Variants in CACNA1S observed in about 807,000 individuals in gnomAD.
CACNA1S encodes the protein voltage-dependent L-type calcium channel subunit alpha-1S.
Under a neutral mutation model 207.4 loss-of-function variants are expected in CACNA1S, and 126 were observed. The ratio of observed to expected loss-of-function variants is 0.61; its 90% CI spans 0.53 to 0.70. The LOEUF is 0.70. Ranked by LOEUF, CACNA1S falls within the 30% of genes least tolerant of loss-of-function variation. The pLI is 0.00. For missense variants in CACNA1S, 2,349 were observed against 2,422.8 expected, an observed-to-expected ratio of 0.97 and a Z score of 0.64; for synonymous variants, 960 against 932.7, an observed-to-expected ratio of 1.03 and a Z score of -0.53.
chr1:201,098,035 C>T (rs939852848), intron 2 of CACNA1S, among the ~76,000 whole-genome samples: 16 of 152,192 alleles, frequency 1.1e-4, no homozygotes, highest in African/African-American at 3.6e-4. Flanking sequence ...TGTCTATCTT[C>T]TTAGCCTGAT....
At chr1:201,051,183 G>T (rs1415835746) in intron 32 of CACNA1S, 40 bp from the exon 33 acceptor site, 9 of 1,611,772 alleles carry the variant, frequency 5.6e-6, no homozygotes, top group Non-Finnish European at 7.6e-6. Flanking sequence ...ATCTGCTCCT[G>T]CCTGGCCCCT....
chr1:201,072,740 C>A lies in CACNA1S; in HGVS notation c.2227+15G>T. 1 of 1,608,514 alleles carries A rather than the reference C, an allele frequency of 6.2e-7. No homozygotes were observed. The highest frequency in any genetic ancestry group is 8.5e-7 in the Non-Finnish European group (1 of 1,174,968). Reference sequence around the variant, plus strand: ...CCCCAGCACCCTGCTCCAGTCCAGTCTCCAGCATCCTCACCTGGGAAGTCG... The same window carrying A: ...CCCCAGCACCCTGCTCCAGTCCAGTATCCAGCATCCTCACCTGGGAAGTCG... On this transcript the variant is annotated intron_variant, in intron 16 of 43. Coordinates refer to ENST00000362061, the MANE Select transcript of CACNA1S (RefSeq NM_000069.3).
intron 2 of CACNA1S, among the ~76,000 whole-genome samples, chr1:201,106,475 C>T (rs1233435798): frequency 6.6e-6 from 1 of 152,168 alleles, no homozygotes; most frequent in Non-Finnish European, 1.5e-5. Flanking sequence ...TTCTACAATG[C>T]GCTCCTTCAC....
At chr1:201,044,556 G>A (rs1396335513) in intron 38 of CACNA1S, 100 bp from the exon 39 acceptor site, 7 of 1,424,742 alleles carry the variant, frequency 4.9e-6, no homozygotes, top group Admixed American at 1.8e-5. Flanking sequence ...TGTTGCCCAG[G>A]CTGGAGTGCA....
rs1318295253 is a variant in CACNA1S, at chr1:201,084,994, C to G, written c.1188G>C (p.Glu396Asp). 9.3e-6 allele frequency: 15 copies of G among 1,612,628 alleles called. No individual in the cohort carries two copies. Among genetic ancestry groups the G allele is most frequent in the African/African-American group, 2.7e-5 (2 of 74,908 alleles). Residue 396 changes from glutamate (E) to aspartate (D), a missense_variant, in exon 9 of 44, where the codon GAG (glutamate) becomes GAC (aspartate). Physicochemically the swap from Glu to Asp is conservative, Grantham distance 45. Transcript: ENST00000362061. Reference protein sequence around the residue: ...LSLDEGGSDTESLYEIAGLNK... With the variant: ...LSLDEGGSDTDSLYEIAGLNK... ...TCAAGCCTGCAATTTCATACAGGCT[C>G]TCTGTGTCAGAGCCACCTTCATCCA...
chr1:201,058,240 C>T (rs961813334), intron 28 of CACNA1S, among the ~76,000 whole-genome samples, 168 bp downstream of exon 28: 5 of 152,204 alleles, frequency 3.3e-5, no homozygotes, highest in Admixed American at 3.3e-4. Flanking sequence ...ACCTCTCTGC[C>T]CAGCAGGATG....
intron 38 of CACNA1S, among the ~76,000 whole-genome samples, chr1:201,044,711 A>T (rs1660415964): frequency 6.6e-6 from 1 of 152,132 alleles, no homozygotes; most frequent in Non-Finnish European, 1.5e-5. Flanking sequence ...GGGTTTCACC[A>T]TGTTGGCTAG....
Position 201,039,640 on chromosome 1 carries a change from G to A in CACNA1S, c.*191C>T. ...ATCCAATCATGCCTCTTGCTGGTGA[G>A]GGGCAGGGCCTGTCCAGCTACTTCC... is the stretch of plus-strand genomic sequence containing the variant. On this transcript the variant is annotated 3_prime_UTR_variant, in exon 44 of 44. Coordinates refer to ENST00000362061, the MANE Select transcript of CACNA1S (RefSeq NM_000069.3). 1.5e-6 allele frequency: 1 copy of A among 665,714 alleles called. No individual in the cohort carries two copies. The allele number at this position is 665,714 out of a possible 1,614,324, so 41.2% of individuals were successfully genotyped here.
At chr1:201,103,827 G>A (rs1217933039) in intron 2 of CACNA1S, among the ~76,000 whole-genome samples, 1 of 152,166 alleles carries the variant, frequency 6.6e-6, no homozygotes, top group Non-Finnish European at 1.5e-5. Context: ...AAACGCCCTG[G>A]CTGCCAGAGG....
chr1:201,047,491 C>T (rs1435808898), intron 37 of CACNA1S, 34 bp downstream of exon 37: 3 of 1,559,186 alleles, frequency 1.9e-6, no homozygotes, highest in East Asian at 2.2e-5. Context: ...TCCTTGGCTG[C>T]TTCTGGACTC....
intron 10 of CACNA1S, among the ~76,000 whole-genome samples, chr1:201,078,924 C>A (rs1386171238): frequency 6.6e-6 from 1 of 151,960 alleles, no homozygotes; most frequent in Non-Finnish European, 1.5e-5. Context: ...AGATCGAGAC[C>A]AGCCTGACCA....
intron 28 of CACNA1S, 121 bp from the exon 29 acceptor site, chr1:201,054,682 GAGGCA>G: frequency 3.0e-6 from 2 of 675,742 alleles, no homozygotes; most frequent in Non-Finnish European, 2.6e-6. Context: ...AAGAGAAAAA[GAGGCA>G]GGGGCTAAAG....
At chr1:201,074,370 G>C (rs770948912) in intron 14 of CACNA1S, 136 bp downstream of exon 14, 49 of 704,448 alleles carry the variant, frequency 7.0e-5, no homozygotes, top group Non-Finnish European at 1.1e-4. Flanking sequence ...GCAGGTTACA[G>C]AAGTTTGCCC....
Position 201,047,167 on chromosome 1 carries a change from C to A in CACNA1S, c.4616G>T (p.Arg1539Leu), listed in dbSNP as rs774256022. 16 of 1,614,044 alleles carry A rather than the reference C, an allele frequency of 9.9e-6. No homozygotes were observed. The highest frequency in any genetic ancestry group is 5.0e-5 in the Admixed American group (3 of 60,000). Reference sequence around the variant, plus strand: ...CCGATAGCCATAATACTCCTCTTGGCGTTTCATGAACTTCCGGAAGTGCTC... The same window carrying A: ...CCGATAGCCATAATACTCCTCTTGGAGTTTCATGAACTTCCGGAAGTGCTC... ...IQEHFRKFMK[R>L]QEEYYGYRPK... is the part of the protein sequence containing the mutation. The change falls in exon 38 of 44, where the codon CGC (arginine) becomes CTC (leucine). Residue 1539 changes from arginine to leucine, a missense_variant. Coordinates refer to ENST00000362061, the MANE Select transcript of CACNA1S (RefSeq NM_000069.3).
At position 201,053,695 on chromosome 1, in the gene CACNA1S, A is replaced by G; in HGVS notation, c.3667-108T>C. ...TGTGTTTTGGGGAGATGTTTGTGGC[A>G]TGGAGGAACTCCAGCCCCGCCTCTG... On this transcript the variant is annotated intron_variant, in intron 29 of 43. Coordinates refer to ENST00000362061, the MANE Select transcript of CACNA1S (RefSeq NM_000069.3). This position sits in a 1 kb window ranked among gnomAD's most constrained non-coding sequence, Gnocchi z 5.1. 1 of 1,171,236 alleles carries G rather than the reference A, an allele frequency of 8.5e-7. No homozygotes were observed. 72.6% of individuals were successfully genotyped at this position (1,171,236 alleles called of 1,614,324 possible).
At position 201,044,184 on chromosome 1, in the gene CACNA1S, G is replaced by A. The variant is rs1660392237; in HGVS notation, c.4797+144C>T. On this transcript the variant is annotated intron_variant, in intron 39 of 43. Transcript: ENST00000362061. Reference sequence around the variant, plus strand: ...ATTGATTCTGAGTCCCAGGAGAGGTGGGTGGTGAAGTGGAGAGACGGAGTG... The same window carrying A: ...ATTGATTCTGAGTCCCAGGAGAGGTAGGTGGTGAAGTGGAGAGACGGAGTG... The A allele has an allele frequency of 1.2e-5, 11 of 881,944 alleles. No individual in the cohort carries two copies. The South Asian group carries it at 1.6e-4, about 13-fold the overall frequency. The allele number at this position is 881,944 out of a possible 1,614,324, so 54.6% of individuals were successfully genotyped here. A position where few individuals can be genotyped will look rare whatever the true frequency, so the allele number is the denominator to read the frequency against.
intron 37 of CACNA1S, 92 bp downstream of exon 37, chr1:201,047,433 C>T (rs768326360): frequency 1.1e-4 from 138 of 1,286,928 alleles, no homozygotes; most frequent in African/African-American, 2.2e-4. Flanking sequence ...GGATCTGGTC[C>T]GTTCTCAGAT....
intron 22 of CACNA1S, among the ~76,000 whole-genome samples, chr1:201,065,087 G>A (rs1473756682): frequency 2.0e-5 from 3 of 152,238 alleles, no homozygotes; most frequent in Admixed American, 1.3e-4. Flanking sequence ...GAAAAGCCAC[G>A]TGGGGTAGGG....
chr1:201,066,465 G>A lies in CACNA1S; in HGVS notation c.2658-149C>T, dbSNP rs557893001. On this transcript the variant is annotated intron_variant, in intron 20 of 43. Transcript: ENST00000362061. This position sits in a 1 kb window ranked among gnomAD's most constrained non-coding sequence, Gnocchi z 4.3. ...CCTTCCCCTTCCCTTTCCTCCAGCC[G>A]TGAGAGTGTGCCCGACTCCAGGGCA... 81 of 717,492 alleles carry A rather than the reference G, an allele frequency of 1.1e-4. No individual in the cohort carries two copies. The highest frequency in any genetic ancestry group is 7.5e-4 in the African/African-American group (43 of 57,674). The allele number at this position is 717,492 out of a possible 1,614,324, so 44.4% of individuals were successfully genotyped here.
Sources: allele counts gnomAD v4.1 joint callset (sites outside exome capture counted in the v4.1 genomes callset), GRCh38; gene constraint gnomAD v4.1.1; non-coding constraint Gnocchi (gnomAD v3.1); transcripts MANE v1.5; gene names NCBI Gene and HGNC (gene_info 2026-07-23, HGNC 2026-07-21).